KLHDC10: variants seen among roughly 807,000 people sequenced by gnomAD.
KLHDC10 encodes the protein kelch domain-containing protein 10.
A neutral mutation model predicts 56.1 loss-of-function variants in KLHDC10; 24 were observed. That is an observed-to-expected ratio of 0.43 (90% CI 0.31 to 0.60). The LOEUF is 0.60. KLHDC10 is among the 20% of genes least tolerant of loss of function. The pLI is 0.11. For synonymous variants in KLHDC10, 188 were observed against 207.1 expected, an observed-to-expected ratio of 0.91 and a Z score of 0.79; for missense variants, 349 against 567.0, an observed-to-expected ratio of 0.62 and a Z score of 3.91.
At chr7:130,107,843 C>CAAAAAAAAAAAAA (rs3043725) in intron 2 of KLHDC10, among the ~76,000 whole-genome samples, 7 of 26,036 alleles carry the variant, frequency 2.7e-4, no homozygotes, top group African/African-American at 1.6e-3. Flanking sequence ...GACTCCGTCT[C>CAAAAAAAAAAAAA]AAAAAAAAAA....
chr7:130,082,606 G>GTT (rs796481556), intron 1 of KLHDC10, among the ~76,000 whole-genome samples: 6 of 152,248 alleles, frequency 3.9e-5, no homozygotes, highest in African/African-American at 1.4e-4. Context: ...AACATTTTAG[G>GTT]TTTTTTCCTA....
intron 4 of KLHDC10, 42 bp from the exon 5 acceptor site, chr7:130,122,012 G>T (rs745882349): frequency 5.7e-6 from 9 of 1,572,152 alleles, no homozygotes; most frequent in South Asian, 2.4e-5. Context: ...CTTTAATCAA[G>T]TGTTAACAAG....
chr7:130,081,847 T>C (rs1408889869), intron 1 of KLHDC10, among the ~76,000 whole-genome samples: 1 of 152,192 alleles, frequency 6.6e-6, no homozygotes, highest in Non-Finnish European at 1.5e-5. Flanking sequence ...GTTTTATTTT[T>C]CCCTTCCATT....
At chr7:130,072,536 A>G (rs1795432073) in intron 1 of KLHDC10, among the ~76,000 whole-genome samples, 1 of 151,906 alleles carries the variant, frequency 6.6e-6, no homozygotes, top group Non-Finnish European at 1.5e-5. Flanking sequence ...TTGCTCCTTT[A>G]CTCATTCTCA....
chr7:130,096,793 C>T (rs898067457), intron 1 of KLHDC10, 128 bp from the exon 2 acceptor site: 29 of 579,704 alleles, frequency 5.0e-5, no homozygotes, highest in South Asian at 7.5e-5. Context: ...TGCTACTTTA[C>T]GTCACTTTCT....
chr7:130,073,541 CCG>C (rs1431150467), intron 1 of KLHDC10, among the ~76,000 whole-genome samples: 1 of 152,216 alleles, frequency 6.6e-6, no homozygotes, highest in Admixed American at 6.5e-5. Context: ...AGTGATCCTT[CCG>C]CCTCAGCCTC....
chr7:130,112,860 A>G (rs181964511), intron 2 of KLHDC10, among the ~76,000 whole-genome samples: 1 of 152,322 alleles, frequency 6.6e-6, no homozygotes, highest in African/African-American at 2.4e-5. Flanking sequence ...CTCTTTACCC[A>G]AAAGTGTGAT....
intron 1 of KLHDC10, among the ~76,000 whole-genome samples, chr7:130,091,219 T>C (rs1253587084): frequency 1.3e-5 from 2 of 152,196 alleles, no homozygotes; most frequent in African/African-American, 2.4e-5. Flanking sequence ...AATTGTTGAG[T>C]TGTATGGTAA....
rs1479569650 is a variant in KLHDC10 at position 130,133,881 on chromosome 7, T to C, written c.*3135T>C. Reference sequence around the variant, plus strand: ...AAACTATAAACTGACACAGAATAGGTTGAAATCTTAACTGGGGCTAAACAA... The same window carrying C: ...AAACTATAAACTGACACAGAATAGGCTGAAATCTTAACTGGGGCTAAACAA... On this transcript the variant is annotated 3_prime_UTR_variant, in exon 10 of 10. Transcript: ENST00000335420. 6.6e-6 allele frequency: 1 copy of C among 152,230 alleles called. No individual in the cohort carries two copies. Among genetic ancestry groups the C allele is most frequent in the East Asian group, 1.9e-4 (1 of 5,198 alleles). The allele number at this position is 152,230 out of a possible 1,614,324, so 9.4% of individuals were successfully genotyped here. A position where few individuals can be genotyped will look rare whatever the true frequency, so the allele number is the denominator to read the frequency against.
rs1476567544 is a variant in KLHDC10, at chr7:130,116,137, T to G, written c.254-308T>G. On this transcript the variant is annotated intron_variant, in intron 2 of 9. Transcript: ENST00000335420. This position sits in a 1 kb window ranked among gnomAD's most constrained non-coding sequence, Gnocchi z 4.8. ...TGGATTATTAAATCTTTCCTCCTTC[T>G]TTTCTTGAAAATTTCAAGTTGTCAG... 1.3e-5 allele frequency among the ~76,000 whole-genome samples: 2 copies of G among 152,214 alleles called. No homozygotes were observed. Among genetic ancestry groups the G allele is most frequent in the Non-Finnish European group, 2.9e-5 (2 of 68,024 alleles).
intron 1 of KLHDC10, among the ~76,000 whole-genome samples, chr7:130,081,246 G>A (rs937217025): frequency 6.6e-6 from 1 of 151,684 alleles, no homozygotes; most frequent in East Asian, 1.9e-4. Flanking sequence ...TGATCCACCC[G>A]CCTCGGCCTC....
intron 2 of KLHDC10, among the ~76,000 whole-genome samples, chr7:130,106,199 TC>T (rs749474479): frequency 5.3e-5 from 8 of 152,108 alleles, no homozygotes; most frequent in Non-Finnish European, 1.2e-4. Flanking sequence ...TTATGTAAAT[TC>T]TAATGCATGC....
chr7:130,115,947 C>T (rs1796161598), intron 2 of KLHDC10, among the ~76,000 whole-genome samples: 1 of 151,938 alleles, frequency 6.6e-6, no homozygotes, highest in Admixed American at 6.6e-5. Context: ...ATAATTATAT[C>T]TTGTGGAAAA....
chr7:130,104,060 C>T (rs972559798), intron 2 of KLHDC10, among the ~76,000 whole-genome samples: 1 of 152,000 alleles, frequency 6.6e-6, no homozygotes, highest in African/African-American at 2.4e-5. Flanking sequence ...TGCACTCCAG[C>T]CTGGGCAACA....
chr7:130,090,649 C>T (rs1177192516), intron 1 of KLHDC10, among the ~76,000 whole-genome samples: 1 of 151,808 alleles, frequency 6.6e-6, no homozygotes, highest in African/African-American at 2.4e-5. Flanking sequence ...TATACCCTTC[C>T]CCAGGCAATT....
At chr7:130,111,992 A>G (rs987957479) in intron 2 of KLHDC10, among the ~76,000 whole-genome samples, 1 of 152,200 alleles carries the variant, frequency 6.6e-6, no homozygotes, top group Non-Finnish European at 1.5e-5. Flanking sequence ...TTCTATTTGG[A>G]AAGCAGTATG....
chr7:130,110,053 T>C (rs896988015), intron 2 of KLHDC10, among the ~76,000 whole-genome samples: 2 of 152,260 alleles, frequency 1.3e-5, no homozygotes, highest in Admixed American at 6.5e-5. Context: ...CTTTTTGACA[T>C]TGATATTTTT....
At chr7:130,110,609 G>A (rs1286168621) in intron 2 of KLHDC10, among the ~76,000 whole-genome samples, 2 of 152,180 alleles carry the variant, frequency 1.3e-5, no homozygotes, top group Non-Finnish European at 2.9e-5. Flanking sequence ...GGGGATATGG[G>A]AGAGCTAACT....
At chr7:130,087,478 G>T (rs192128053) in intron 1 of KLHDC10, among the ~76,000 whole-genome samples, 6 of 151,788 alleles carry the variant, frequency 4.0e-5, no homozygotes, top group African/African-American at 1.5e-4. Context: ...GCGTCATAAG[G>T]CATAATAAGA....
Sources: allele counts gnomAD v4.1 joint callset (sites outside exome capture counted in the v4.1 genomes callset), GRCh38; gene constraint gnomAD v4.1.1; non-coding constraint Gnocchi (gnomAD v3.1); transcripts MANE v1.5; gene names NCBI Gene and HGNC (gene_info 2026-07-23, HGNC 2026-07-21).